The following EYS variants were observed in gnomAD, a reference collection of about 807,000 sequenced individuals.
EYS encodes the protein protein eyes shut homolog.
A neutral mutation model predicts 282.1 loss-of-function variants in EYS; 250 were observed. The ratio of observed to expected loss-of-function variants is 0.89; its 90% CI spans 0.80 to 0.98. The LOEUF (loss-of-function observed/expected upper bound fraction) is 0.98, where lower values mean the gene tolerates loss of function less well. EYS is among the 50% of genes least tolerant of loss of function. EYS has a pLI of 0.00. For synonymous variants in EYS, 1,355 were observed against 1,282.9 expected (o/e 1.06, Z -1.20); for missense variants, 4,016 against 3,709.0 (o/e 1.08, Z -2.15).
chr6:63,957,018 A>G (rs1357541589), intron 35 of EYS, among the ~76,000 whole-genome samples: 1 of 152,340 alleles, frequency 6.6e-6, no homozygotes, highest in African/African-American at 2.4e-5. Flanking sequence ...CCTTTTGCAC[A>G]GATTGATAAA....
At chr6:63,923,628 C>A (rs1318902974) in intron 35 of EYS, among the ~76,000 whole-genome samples, 46 of 152,068 alleles carry the variant, frequency 3.0e-4, no homozygotes, top group Non-Finnish European at 2.9e-4. Context: ...AGATTTGTTA[C>A]CTGGGTATAT....
At chr6:64,023,810 C>CG (rs1562157416) in intron 33 of EYS, among the ~76,000 whole-genome samples, 1 of 152,148 alleles carries the variant, frequency 6.6e-6, no homozygotes, top group South Asian at 2.1e-4. Flanking sequence ...GGCTGTGCCG[C>CG]GGTGTTTGCG....
At chr6:64,694,206 C>G (rs1165091389) in intron 22 of EYS, among the ~76,000 whole-genome samples, 2 of 152,078 alleles carry the variant, frequency 1.3e-5, no homozygotes, top group African/African-American at 4.8e-5. Flanking sequence ...GACTTATTTA[C>G]CTGTAAATAG....
chr6:65,040,732 A>G (rs1423379643), intron 13 of EYS, among the ~76,000 whole-genome samples: 1 of 151,648 alleles, frequency 6.6e-6, no homozygotes, highest in Non-Finnish European at 1.5e-5. Context: ...ATGTTCTAAA[A>G]AAATTTGATT....
At chr6:65,232,032 A>C (rs142218596) in intron 12 of EYS, among the ~76,000 whole-genome samples, 384 of 152,106 alleles carry the variant, frequency 2.5e-3, no homozygotes, top group African/African-American at 8.5e-3. Context: ...AAAATGTTCT[A>C]TATTTATCTA....
At position 64,591,965 on chromosome 6, in the gene EYS, T is replaced by C; in HGVS notation, c.3902A>G (p.Lys1301Arg). ...DQGPKQTGIV[K>R]HDILPTTGLA... The stretch of plus-strand genomic sequence containing the variant: ...ACCAGTGGTTGGGAGAATGTCGTGC[T>C]TGACAATGCCTGTCTGTTTTGGACC... The change falls in exon 26 of 43, where the codon AAG becomes AGG. Residue 1301 changes from lysine to arginine, a missense_variant. Lys to Arg is a conservative substitution (Grantham distance 26). Coordinates refer to ENST00000503581, the MANE Select transcript of EYS (RefSeq NM_001142800.2). The C allele has an allele frequency of 5.3e-6, 8 of 1,506,264 alleles. No individual in the cohort carries two copies. The highest frequency in any genetic ancestry group is 7.1e-6 in the Non-Finnish European group (8 of 1,124,182). The allele number at this position is 1,506,264 out of a possible 1,614,324, so 93.3% of individuals were successfully genotyped here.
intron 22 of EYS, among the ~76,000 whole-genome samples, chr6:64,687,146 C>T (rs1754744030): frequency 6.6e-6 from 1 of 151,602 alleles, no homozygotes; most frequent in African/African-American, 2.4e-5. Flanking sequence ...TCTACATAAA[C>T]TCTCTAAAAC....
intron 30 of EYS, among the ~76,000 whole-genome samples, chr6:64,256,685 C>T (rs1000422443): frequency 6.6e-6 from 1 of 151,986 alleles, no homozygotes; most frequent in African/African-American, 2.4e-5. Flanking sequence ...TACAGAGGAG[C>T]ACACATGGCC....
At chr6:64,869,627 T>C (rs1016578270) in intron 19 of EYS, among the ~76,000 whole-genome samples, 2 of 151,572 alleles carry the variant, frequency 1.3e-5, no homozygotes, top group Non-Finnish European at 3.0e-5. Flanking sequence ...AGAAACATGA[T>C]GAACAAAATC....
intron 34 of EYS, among the ~76,000 whole-genome samples, chr6:63,985,484 A>G (rs1305427890): frequency 6.6e-6 from 1 of 151,718 alleles, no homozygotes; most frequent in African/African-American, 2.4e-5. Context: ...ATAATATATT[A>G]TAAATATCCT....
intron 26 of EYS, among the ~76,000 whole-genome samples, chr6:64,582,152 A>G (rs1286016409): frequency 6.6e-6 from 1 of 152,114 alleles, no homozygotes; most frequent in Admixed American, 6.6e-5. Flanking sequence ...GTACAAAATT[A>G]GTCATAGATA....
At chr6:65,001,809 A>G (rs2150127961) in intron 13 of EYS, among the ~76,000 whole-genome samples, 1 of 147,724 alleles carries the variant, frequency 6.8e-6, no homozygotes, top group Non-Finnish European at 1.5e-5. Context: ...TGTGATATAA[A>G]TTTTAATAAA....
chr6:64,794,308 C>G (rs1774284686), intron 22 of EYS, among the ~76,000 whole-genome samples: 1 of 152,118 alleles, frequency 6.6e-6, no homozygotes. Context: ...TATGGTTTGG[C>G]TCTATGTCCT....
chr6:65,123,612 TG>T (rs1775628544), intron 12 of EYS, among the ~76,000 whole-genome samples: 1 of 152,168 alleles, frequency 6.6e-6, no homozygotes, highest in Non-Finnish European at 1.5e-5. Context: ...AGCAGAAGGT[TG>T]ACAAACCAGA....
chr6:65,599,166 G>A (rs773798472), intron 2 of EYS, among the ~76,000 whole-genome samples: 2 of 151,932 alleles, frequency 1.3e-5, no homozygotes, highest in African/African-American at 2.4e-5. Flanking sequence ...GTTTCTATCT[G>A]ATTTTGGCAG....
chr6:65,038,765 G>C (rs1424410329), intron 13 of EYS, among the ~76,000 whole-genome samples: 2 of 151,156 alleles, frequency 1.3e-5, no homozygotes, highest in Non-Finnish European at 3.0e-5. Flanking sequence ...ATTAACTTTA[G>C]TCTCTGGAGG....
intron 26 of EYS, among the ~76,000 whole-genome samples, chr6:64,584,847 A>G (rs1766182435): frequency 1.3e-5 from 2 of 152,118 alleles, no homozygotes; most frequent in South Asian, 2.1e-4. Flanking sequence ...ACTTTTAGTT[A>G]ATGTACTATA....
intron 19 of EYS, among the ~76,000 whole-genome samples, chr6:64,877,640 G>C (rs1001720075): frequency 3.9e-5 from 6 of 152,112 alleles, no homozygotes. Flanking sequence ...TGGCAATGGA[G>C]AATAATTAGT....
intron 1 of EYS, among the ~76,000 whole-genome samples, chr6:65,690,488 T>C (rs1452028866): frequency 6.7e-6 from 1 of 150,064 alleles, no homozygotes; most frequent in East Asian, 2.3e-4. Context: ...ATCTTGGTGA[T>C]GTGAAACCTC....
Sources: allele counts gnomAD v4.1 joint callset (sites outside exome capture counted in the v4.1 genomes callset), GRCh38; gene constraint gnomAD v4.1.1; transcripts MANE v1.5; gene names NCBI Gene and HGNC (gene_info 2026-07-23, HGNC 2026-07-21).